GALNTL5: variants seen among roughly 807,000 people sequenced by gnomAD.
The protein encoded by GALNTL5 is inactive polypeptide N-acetylgalactosaminyltransferase-like protein 5.
A neutral mutation model predicts 51.0 loss-of-function variants in GALNTL5; 44 were observed. The observed-to-expected ratio is 0.86, with a 90% CI of 0.68 to 1.11. The LOEUF is 1.11. Among genes scored for constraint, GALNTL5 ranks in the 50% least tolerant of loss-of-function variants. GALNTL5 has a pLI of 0.00. For missense variants in GALNTL5, 528 were observed against 531.8 expected (o/e 0.99, Z 0.07); for synonymous variants, 192 against 182.8 (o/e 1.05, Z -0.41).
intron 7 of GALNTL5, among the ~76,000 whole-genome samples, chr7:152,009,377 G>C (rs1206044980): frequency 6.6e-6 from 1 of 152,190 alleles, no homozygotes; most frequent in Non-Finnish European, 1.5e-5. Context: ...TCTATCTGAG[G>C]TCATTGCAGC....
chr7:152,012,939 A>AAAAAAC (rs1304035953), intron 7 of GALNTL5, among the ~76,000 whole-genome samples: 1 of 152,168 alleles, frequency 6.6e-6, no homozygotes, highest in Non-Finnish European at 1.5e-5. Flanking sequence ...CTCAGTCTCA[A>AAAAAAC]AAAAACAAAA....
chr7:151,994,306 T>A (rs1232407000), intron 5 of GALNTL5, among the ~76,000 whole-genome samples: 1 of 152,216 alleles, frequency 6.6e-6, no homozygotes, highest in African/African-American at 2.4e-5. Flanking sequence ...TTCTTTTCTT[T>A]TTTTCTTTTT....
At chr7:151,984,683 C>T (rs1341139138) in intron 4 of GALNTL5, among the ~76,000 whole-genome samples, 1 of 152,042 alleles carries the variant, frequency 6.6e-6, no homozygotes, top group African/African-American at 2.4e-5. Context: ...TTCCCTGCTG[C>T]CCCTGTGACC....
chr7:152,002,711 CA>C lies in GALNTL5; in HGVS notation c.659-2del, dbSNP rs772245551. ...TAACATTGCCCTGTTCTTGCCTCCC[CA>C]GGGGATGTTCTGGTGTTCCTGGACA... is the stretch of plus-strand genomic sequence containing the variant. On this transcript the variant is annotated splice_acceptor_variant, in intron 5 of 8. Coordinates refer to ENST00000392800, the MANE Select transcript of GALNTL5 (RefSeq NM_145292.4). LOFTEE classifies it high-confidence loss of function. 26 of 1,613,848 alleles carry C rather than the reference CA, an allele frequency of 1.6e-5. No individual in the cohort carries two copies. The highest frequency in any genetic ancestry group is 2.1e-5 in the Non-Finnish European group (25 of 1,179,958).
intron 3 of GALNTL5, among the ~76,000 whole-genome samples, chr7:151,981,021 A>G (rs961094235): frequency 4.6e-5 from 7 of 152,048 alleles, no homozygotes; most frequent in African/African-American, 1.7e-4. Flanking sequence ...CTGGGATTAC[A>G]GGCTTGAGCC....
At chr7:151,987,545 A>G (rs2081373239) in intron 5 of GALNTL5, among the ~76,000 whole-genome samples, 1 of 150,574 alleles carries the variant, frequency 6.6e-6, no homozygotes, top group Non-Finnish European at 1.5e-5. Context: ...GTTCCCCAGT[A>G]CAAACTCTGA....
chr7:151,959,950 T>G (rs933601797), intron 1 of GALNTL5, among the ~76,000 whole-genome samples: 1 of 152,132 alleles, frequency 6.6e-6, no homozygotes, highest in African/African-American at 2.4e-5. Flanking sequence ...CCATCCCACG[T>G]GTCAGAGCCT....
At chr7:152,014,301 C>T (rs1212152235) in intron 7 of GALNTL5, among the ~76,000 whole-genome samples, 3 of 152,074 alleles carry the variant, frequency 2.0e-5, no homozygotes, top group Non-Finnish European at 2.9e-5. Context: ...GATGGAGTGT[C>T]GCTATGTTGC....
rs1167597614 is a variant in GALNTL5, at chr7:152,002,047, AGGTGGGC to A, written c.659-664_659-658del. On this transcript the variant is annotated intron_variant, in intron 5 of 8. Coordinates refer to ENST00000392800, the MANE Select transcript of GALNTL5 (RefSeq NM_145292.4). Reference sequence around the variant, plus strand: ...CACTGAAGCTTGAACTCAAAGGCTGAGGTGGGCGGATCACCTGAGGTCAGGAGCTCGA... The same window carrying A: ...CACTGAAGCTTGAACTCAAAGGCTGAGGATCACCTGAGGTCAGGAGCTCGA... Among the ~76,000 whole-genome samples the A allele has an allele frequency of 2.0e-5, 3 of 152,254 alleles. No individual in the cohort carries two copies. In the East Asian group the frequency reaches 5.8e-4, roughly 29 times the overall value.
chr7:151,980,998 G>A (rs1364086488), intron 3 of GALNTL5, among the ~76,000 whole-genome samples: 1 of 151,994 alleles, frequency 6.6e-6, no homozygotes, highest in African/African-American at 2.4e-5. Context: ...GCCCTCCTCA[G>A]CCTCCCAAAG....
chr7:151,995,218 C>T (rs183995514), intron 5 of GALNTL5: 27 of 152,228 alleles, frequency 1.8e-4, no homozygotes, highest in African/African-American at 5.1e-4. Context: ...TGAAGGAAAC[C>T]GCCTGAGATG....
intron 1 of GALNTL5, among the ~76,000 whole-genome samples, chr7:151,963,937 A>G (rs930478389): frequency 2.6e-5 from 4 of 152,144 alleles, no homozygotes; most frequent in Non-Finnish European, 5.9e-5. Flanking sequence ...CAAATGTCTC[A>G]GGCAATCCTT....
intron 3 of GALNTL5, among the ~76,000 whole-genome samples, chr7:151,973,132 A>T (rs1334583921): frequency 6.6e-6 from 1 of 152,048 alleles, no homozygotes; most frequent in African/African-American, 2.4e-5. Context: ...TGGATGTGAG[A>T]CTTGGAGTCA....
chr7:151,979,428 A>G (rs944424794), intron 3 of GALNTL5, among the ~76,000 whole-genome samples: 8 of 150,082 alleles, frequency 5.3e-5, no homozygotes, highest in Admixed American at 2.0e-4. Flanking sequence ...TTTACTCTTA[A>G]AAACAGCTTT....
At chr7:151,987,417 T>C in intron 5 of GALNTL5, 136 bp downstream of exon 5, 2 of 738,324 alleles carry the variant, frequency 2.7e-6, no homozygotes, top group Non-Finnish European at 4.1e-6. Flanking sequence ...TCCAGCCATA[T>C]GAGCCTTTAA....
intron 5 of GALNTL5, among the ~76,000 whole-genome samples, chr7:151,998,791 C>CA (rs2081533955): frequency 7.4e-6 from 1 of 134,960 alleles, no homozygotes; most frequent in South Asian, 2.3e-4. Flanking sequence ...AAACAAAAAA[C>CA]AAAACTACTC....
chr7:151,971,737 G>C (rs2081146377), intron 3 of GALNTL5, among the ~76,000 whole-genome samples: 1 of 152,124 alleles, frequency 6.6e-6, no homozygotes, highest in Non-Finnish European at 1.5e-5. Context: ...TGGATCATGG[G>C]GGTGGTTTCC....
intron 3 of GALNTL5, among the ~76,000 whole-genome samples, chr7:151,972,235 A>T (rs943044008): frequency 9.9e-5 from 15 of 152,210 alleles, no homozygotes; most frequent in Admixed American, 6.5e-5. Flanking sequence ...TCAGATGGAG[A>T]TGAGGAACTT....
At chr7:151,970,156 C>G (rs551107412) in intron 2 of GALNTL5, among the ~76,000 whole-genome samples, 69 of 45,492 alleles carry the variant, frequency 1.5e-3, no homozygotes, top group South Asian at 6.5e-3. Context: ...GTTGGGGGGG[C>G]CCCCACCAAT....
Sources: allele counts gnomAD v4.1 joint callset (sites outside exome capture counted in the v4.1 genomes callset), GRCh38; gene constraint gnomAD v4.1.1; transcripts MANE v1.5; gene names NCBI Gene and HGNC (gene_info 2026-07-23, HGNC 2026-07-21).